GLIS3: variants seen among roughly 807,000 people sequenced by gnomAD.
GLIS3 encodes zinc finger protein GLIS3.
A neutral mutation model predicts 78.6 loss-of-function variants in GLIS3; 53 were observed. That is an observed-to-expected ratio of 0.67 (90% CI 0.54 to 0.85). The LOEUF is 0.85. Ranked by LOEUF, GLIS3 falls within the 40% of genes least tolerant of loss-of-function variation. GLIS3 has a pLI of 0.00. For missense variants in GLIS3, 1,703 were observed against 1,231.1 expected (o/e 1.38, Z -5.74); for synonymous variants, 684 against 509.9 (o/e 1.34, Z -4.60).
At chr9:4,385,005 C>T in the GLIS3 span, among the ~76,000 whole-genome samples, 1 of 152,192 alleles carries the variant, frequency 6.6e-6, no homozygotes, top group Admixed American at 6.5e-5. Context: ...GCGCAGAAAC[C>T]AAGGGCAGAT....
At chr9:4,196,579 G>A (rs899621686) in intron 2 of GLIS3, among the ~76,000 whole-genome samples, 8 of 152,032 alleles carry the variant, frequency 5.3e-5, no homozygotes, top group East Asian at 1.9e-4. Context: ...CTCCAGACGC[G>A]CTGCCTTAAG....
intron 2 of GLIS3, among the ~76,000 whole-genome samples, chr9:4,161,218 A>G (rs1835453307): frequency 6.6e-6 from 1 of 152,128 alleles, no homozygotes; most frequent in South Asian, 2.1e-4. Context: ...GGCTGCAGTG[A>G]GCCATGATCG....
the GLIS3 span, among the ~76,000 whole-genome samples, chr9:4,353,579 G>A: frequency 6.6e-6 from 1 of 152,128 alleles, no homozygotes; most frequent in Non-Finnish European, 1.5e-5. Context: ...ACTGTACTCT[G>A]ATTCCTTACT....
chr9:4,080,021 A>C (rs2130692277), intron 4 of GLIS3, among the ~76,000 whole-genome samples: 1 of 152,344 alleles, frequency 6.6e-6, no homozygotes, highest in East Asian at 1.9e-4. Flanking sequence ...TAAGAAGGTG[A>C]CATACAGGAT....
chr9:3,982,279 T>C (rs911245919), intron 4 of GLIS3, among the ~76,000 whole-genome samples: 4 of 152,100 alleles, frequency 2.6e-5, no homozygotes, highest in African/African-American at 7.2e-5. Context: ...CTGCCTCTTA[T>C]TGTCTCTTTT....
chr9:4,027,344 A>G (rs1200554270), intron 4 of GLIS3, among the ~76,000 whole-genome samples: 1 of 152,250 alleles, frequency 6.6e-6, no homozygotes, highest in East Asian at 1.9e-4. Flanking sequence ...AATTATTCAC[A>G]GCAGGAGTTT....
At chr9:4,463,589 G>C in the GLIS3 span, among the ~76,000 whole-genome samples, 1 of 152,032 alleles carries the variant, frequency 6.6e-6, no homozygotes, top group Non-Finnish European at 1.5e-5. Context: ...ATCTTAATCC[G>C]CCTAGAGATA....
chr9:4,167,394 T>C (rs1815956347), intron 2 of GLIS3, among the ~76,000 whole-genome samples: 3 of 152,272 alleles, frequency 2.0e-5, no homozygotes, highest in Admixed American at 6.5e-5. Context: ...GAAAAATAAA[T>C]ATATTAAGCC....
intron 2 of GLIS3, among the ~76,000 whole-genome samples, chr9:4,147,014 G>T (rs188126380): frequency 6.6e-6 from 1 of 152,052 alleles, no homozygotes; most frequent in East Asian, 1.9e-4. Context: ...GCATTTCACC[G>T]TATGCCTCTA....
chr9:4,117,048 T>C (rs1242567359), intron 4 of GLIS3, among the ~76,000 whole-genome samples: 2 of 152,228 alleles, frequency 1.3e-5, no homozygotes, highest in Non-Finnish European at 2.9e-5. Flanking sequence ...GGATGGATGC[T>C]GTGAAAGGCA....
At chr9:4,481,517 T>A in the GLIS3 span, among the ~76,000 whole-genome samples, 23 of 124,554 alleles carry the variant, frequency 1.8e-4, 1 homozygote, top group Non-Finnish European at 3.1e-4. Flanking sequence ...AAAACATAAG[T>A]GTGTGTGTGT....
At chr9:4,024,685 G>A (rs1218751764) in intron 4 of GLIS3, among the ~76,000 whole-genome samples, 2 of 152,186 alleles carry the variant, frequency 1.3e-5, no homozygotes, top group Non-Finnish European at 2.9e-5. Flanking sequence ...CCGATTCACA[G>A]GGCAAAGACA....
intron 4 of GLIS3, among the ~76,000 whole-genome samples, chr9:3,997,580 T>A (rs1820838098): frequency 6.6e-6 from 1 of 152,074 alleles, no homozygotes; most frequent in Admixed American, 6.5e-5. Flanking sequence ...AATATATACA[T>A]CATGACCAAG....
the GLIS3 span, among the ~76,000 whole-genome samples, chr9:4,433,486 CAGTT>C: frequency 6.6e-6 from 1 of 152,154 alleles, no homozygotes; most frequent in African/African-American, 2.4e-5. Context: ...AGAAGTTTCT[CAGTT>C]AGCACATACA....
At chr9:4,231,277 CAT>C (rs1421774502) in intron 2 of GLIS3, among the ~76,000 whole-genome samples, 2 of 152,088 alleles carry the variant, frequency 1.3e-5, no homozygotes, top group Non-Finnish European at 2.9e-5. Context: ...CTATACGTGA[CAT>C]ATTAAAAATG....
chr9:3,962,212 C>A (rs1450632137), intron 4 of GLIS3, among the ~76,000 whole-genome samples: 2 of 151,116 alleles, frequency 1.3e-5, no homozygotes, highest in East Asian at 3.9e-4. Context: ...AGAGTGAGGC[C>A]TTGTTTCAAA....
intron 2 of GLIS3, among the ~76,000 whole-genome samples, chr9:4,267,075 G>C (rs1826081194): frequency 1.3e-5 from 2 of 152,138 alleles, no homozygotes; most frequent in Admixed American, 6.5e-5. Context: ...GAATGCATGA[G>C]CGTAAAGGTG....
chr9:4,100,511 T>A (rs1359199767), intron 4 of GLIS3, among the ~76,000 whole-genome samples: 1 of 152,200 alleles, frequency 6.6e-6, no homozygotes, highest in African/African-American at 2.4e-5. Context: ...TTGCATTAAG[T>A]AAAAACGTAC....
At chr9:4,352,610 T>C (rs1427030270), upstream of GLIS3, among the ~76,000 whole-genome samples, 2 of 152,370 alleles carry the variant, frequency 1.3e-5, no homozygotes, top group East Asian at 1.9e-4. Flanking sequence ...GGGAGGTTTC[T>C]TCCTTTGGCC....
Sources: allele counts gnomAD v4.1 joint callset (sites outside exome capture counted in the v4.1 genomes callset), GRCh38; gene constraint gnomAD v4.1.1; transcripts MANE v1.5; gene names NCBI Gene and HGNC (gene_info 2026-07-23, HGNC 2026-07-21).